GARNL3: variants seen among roughly 807,000 people sequenced by gnomAD.
GARNL3 encodes the protein GTPase-activating Rap/Ran-GAP domain-like protein 3.
Under a neutral mutation model 125.0 loss-of-function variants are expected in GARNL3, and 63 were observed. The ratio of observed to expected loss-of-function variants is 0.50; its 90% CI spans 0.41 to 0.62. The LOEUF (loss-of-function observed/expected upper bound fraction) is 0.62, where lower values mean the gene tolerates loss of function less well. GARNL3 is among the 20% of genes least tolerant of loss of function. GARNL3 has a pLI of 0.00. For synonymous variants in GARNL3, 439 were observed against 457.5 expected, an observed-to-expected ratio of 0.96 and a Z score of 0.52; for missense variants, 994 against 1,244.0, an observed-to-expected ratio of 0.80 and a Z score of 3.02.
At chr9:127,283,403 G>C (rs1164744291) in intron 1 of GARNL3, among the ~76,000 whole-genome samples, 6 of 152,192 alleles carry the variant, frequency 3.9e-5, no homozygotes, top group African/African-American at 1.4e-4. Context: ...GGGCACAGTG[G>C]CTCACGCCTG....
intron 1 of GARNL3, among the ~76,000 whole-genome samples, chr9:127,278,877 C>T (rs967939341): frequency 2.0e-5 from 3 of 152,178 alleles, no homozygotes; most frequent in African/African-American, 4.8e-5. Context: ...CCAGTCTCTG[C>T]CTCTGTTATC....
At position 127,384,183 on chromosome 9, in the gene GARNL3, G is replaced by A. The variant is rs1280649302; in HGVS notation, c.2269+638G>A. 6.6e-6 allele frequency among the ~76,000 whole-genome samples: 1 copy of A among 152,208 alleles called. No homozygotes were observed. Among genetic ancestry groups the A allele is most frequent in the Non-Finnish European group, 1.5e-5 (1 of 68,042 alleles). ...CCAACCTAAGATCCTGGGAGGACCA[G>A]TTAGACTTGATGACAGATTAGATCT... is the stretch of plus-strand genomic sequence containing the variant. On this transcript the variant is annotated intron_variant, in intron 23 of 27. Coordinates refer to ENST00000373387, the MANE Select transcript of GARNL3 (RefSeq NM_032293.5). The surrounding 1 kb of genome is among the most constrained non-coding windows in gnomAD (Gnocchi z 4.0).
intron 7 of GARNL3, among the ~76,000 whole-genome samples, chr9:127,329,471 C>G (rs1247637286): frequency 2.0e-5 from 3 of 152,162 alleles, no homozygotes; most frequent in Non-Finnish European, 4.4e-5. Context: ...AGACTTTGCT[C>G]TTGTCTGACC....
intron 21 of GARNL3, chr9:127,362,564 T>G (rs937825458): frequency 6.6e-6 from 1 of 152,258 alleles, no homozygotes; most frequent in African/African-American, 2.4e-5. Context: ...GCCCCTCCCG[T>G]GGAGAAGCTC....
chr9:127,344,380 T>G (rs1830026158), intron 15 of GARNL3, 41 bp downstream of exon 15: 1 of 1,357,780 alleles, frequency 7.4e-7, no homozygotes, highest in Admixed American at 1.7e-5. Context: ...GACATGTAGT[T>G]TTGAGTTCCA....
At chr9:127,342,377 G>A in intron 14 of GARNL3, 43 bp downstream of exon 14, 1 of 1,309,036 alleles carries the variant, frequency 7.6e-7, no homozygotes, top group Non-Finnish European at 1.1e-6. Context: ...TATGGGGTCT[G>A]AGTTGAGAAC....
At chr9:127,265,185 CTTCT>C (rs1357890914) in intron 1 of GARNL3, among the ~76,000 whole-genome samples, 164 bp downstream of exon 1, 2 of 152,032 alleles carry the variant, frequency 1.3e-5, no homozygotes, top group Admixed American at 1.3e-4. Context: ...ATAATTTGAT[CTTCT>C]TTATCTATTT....
chr9:127,311,235 G>GAA (rs201464858), intron 2 of GARNL3, among the ~76,000 whole-genome samples: 4 of 144,926 alleles, frequency 2.8e-5, no homozygotes, highest in Admixed American at 6.9e-5. Context: ...TATGCATGGG[G>GAA]AAAAAAAAAA....
At chr9:127,314,685 T>A (rs1356631416) in intron 4 of GARNL3, among the ~76,000 whole-genome samples, 1 of 152,206 alleles carries the variant, frequency 6.6e-6, no homozygotes, top group Non-Finnish European at 1.5e-5. Flanking sequence ...CTCACTGAGA[T>A]GGCTGCCATG....
rs2131574692 is a variant in GARNL3, at chr9:127,333,036, G to A, written c.684G>A (p.Glu228=). The A allele has an allele frequency of 6.2e-7, 1 of 1,613,726 alleles. No homozygotes were observed. Among genetic ancestry groups the A allele is most frequent in the Non-Finnish European group, 8.5e-7 (1 of 1,179,630 alleles). Residue 228 remains glutamate, a synonymous_variant, in exon 9 of 28, where the codon GAG becomes GAA. Transcript: ENST00000373387. ...DEMFSNEIGS[E]PFQKFLNLLG... Reference sequence around the variant, plus strand: ...TTCTTCCTGCAGAAATTGGAAGCGAGCCTTTTCAAAAATTTTTAAATCTTC... The same window carrying A: ...TTCTTCCTGCAGAAATTGGAAGCGAACCTTTTCAAAAATTTTTAAATCTTC...
At chr9:127,324,890 G>A (rs1039807287) in intron 6 of GARNL3, among the ~76,000 whole-genome samples, 179 bp from the exon 7 acceptor site, 3 of 152,174 alleles carry the variant, frequency 2.0e-5, no homozygotes, top group East Asian at 1.9e-4. Context: ...TCCAAGACTC[G>A]TGGCACCCAC....
intron 6 of GARNL3, 86 bp from the exon 7 acceptor site, chr9:127,324,983 C>T (rs1265343662): frequency 7.4e-7 from 1 of 1,348,406 alleles, no homozygotes; most frequent in East Asian, 2.3e-5. Flanking sequence ...TCAGTGTGAG[C>T]AAACCAAAGC....
chr9:127,281,415 C>T (rs1340928927), intron 1 of GARNL3, among the ~76,000 whole-genome samples: 1 of 152,098 alleles, frequency 6.6e-6, no homozygotes, highest in East Asian at 1.9e-4. Context: ...AGATCCAGGG[C>T]CTTGGTGGCT....
intron 1 of GARNL3, among the ~76,000 whole-genome samples, chr9:127,270,261 C>T (rs2063794221): frequency 6.6e-6 from 1 of 152,182 alleles, no homozygotes; most frequent in African/African-American, 2.4e-5. Flanking sequence ...TCTGGGCTTC[C>T]CTTCTGTCTC....
At chr9:127,264,239 C>A (rs2063654025), upstream of GARNL3, 2 of 334,886 alleles carry the variant, frequency 6.0e-6, no homozygotes, top group Non-Finnish European at 1.1e-5. Context: ...ACTGTGCATT[C>A]AGGATGAAAA....
intron 4 of GARNL3, among the ~76,000 whole-genome samples, chr9:127,315,582 A>G (rs1269557417): frequency 6.6e-6 from 1 of 152,010 alleles, no homozygotes; most frequent in Non-Finnish European, 1.5e-5. Context: ...TCAAGGCTGC[A>G]GTGAGCTATG....
At chr9:127,390,820 A>AG in intron 27 of GARNL3, 53 bp downstream of exon 27, 1 of 1,577,798 alleles carries the variant, frequency 6.3e-7, no homozygotes, top group Non-Finnish European at 8.6e-7. Flanking sequence ...GAGTCACAGC[A>AG]CTGCCCAGGA....
chr9:127,339,823 A>G, intron 13 of GARNL3, 72 bp downstream of exon 13: 1 of 948,728 alleles, frequency 1.1e-6, no homozygotes, highest in South Asian at 1.3e-5. Context: ...TTCTCCCAGA[A>G]TGCTGTTTAA....
intron 15 of GARNL3, among the ~76,000 whole-genome samples, chr9:127,344,813 T>G (rs575492136): frequency 1.3e-5 from 2 of 152,302 alleles, no homozygotes; most frequent in East Asian, 3.9e-4. Flanking sequence ...GTCATCCCCT[T>G]ATTCCAGGCA....
Sources: gnomAD v4.1 joint callset for allele counts (sites outside exome capture counted in the v4.1 genomes callset) on GRCh38, gnomAD v4.1.1 for gene constraint, Gnocchi (gnomAD v3.1) non-coding constraint, MANE v1.5 for transcripts, NCBI Gene and HGNC (gene_info 2026-07-23, HGNC 2026-07-21) for gene names.